MX2: variants seen among roughly 807,000 people sequenced by gnomAD.
The protein encoded by MX2 is interferon-induced GTP-binding protein Mx2.
MX2 carries 51 observed loss-of-function variants against 74.0 expected under a neutral mutation model. The observed-to-expected ratio is 0.69, with a 90% CI of 0.55 to 0.87. The LOEUF (loss-of-function observed/expected upper bound fraction) is 0.87. Among genes scored for constraint, MX2 ranks in the 40% least tolerant of loss-of-function variants. MX2 has a pLI of 0.00. For synonymous variants in MX2, 369 were observed against 339.3 expected (o/e 1.09, Z -0.96); for missense variants, 832 against 908.7 (o/e 0.92, Z 1.09).
Position 41,380,139 on chromosome 21 carries a change from G to A in MX2, c.565G>A (p.Glu189Lys). 2 of 1,613,928 alleles carry A rather than the reference G, an allele frequency of 1.2e-6. No homozygotes were observed. The highest frequency in any genetic ancestry group is 2.2e-5 in the South Asian group (2 of 91,070). The change falls in exon 4 of 14, where the codon GAG becomes AAG. Residue 189 changes from glutamate to lysine, a missense_variant. Coordinates refer to ENST00000330714, the MANE Select transcript of MX2 (RefSeq NM_002463.2). The surrounding 1 kb of genome is among the most constrained non-coding windows in gnomAD (Gnocchi z 4.3). Reference protein sequence around the residue: ...ELQDPGQVEKEIHKAQNVMAG... With the variant: ...ELQDPGQVEKKIHKAQNVMAG... ...TCAGGACCCTGGCCAGGTGGAGAAA[G>A]AGATACACAAAGGTGGGCCCACGTC...
Position 41,386,201 on chromosome 21 carries a change from CAG to C in MX2, c.732+3640_732+3641del, listed in dbSNP as rs1457083413. On this transcript the variant is annotated intron_variant, in intron 5 of 13. Transcript: ENST00000330714. ...CGCCACTGCACTACAGCCTGGGCAA[CAG>C]AGTAATACTCCATCTCAAAAAAAAA... Among the ~76,000 whole-genome samples, 3 of 83,040 alleles carry C rather than the reference CAG, an allele frequency of 3.6e-5. No homozygotes were observed. In the East Asian group the frequency reaches 1.3e-3, roughly 35 times the overall value. The allele number at this position is 83,040 out of a possible 152,430, so 54.5% of individuals were successfully genotyped here.
Position 41,397,684 on chromosome 21 carries a change from A to G in MX2, c.1142A>G (p.His381Arg). The G allele has an allele frequency of 6.2e-7, 1 of 1,614,066 alleles. No homozygotes were observed. The highest frequency in any genetic ancestry group is 8.5e-7 in the Non-Finnish European group (1 of 1,179,912). ...AERLTTELIM[H>R]IQKSLPLLEG... ...AGACTTACCACTGAACTCATCATGC[A>G]TATCCAAGTGAGCCACGTGGGTTGG... The change falls in exon 8 of 14, where the codon CAT becomes CGT. Residue 381 changes from histidine to arginine, a missense_variant. His to Arg is a conservative substitution (Grantham distance 29, BLOSUM62 0). Transcript: ENST00000330714.
At chr21:41,403,158 T>A (rs1568950185) in intron 11 of MX2, 109 bp from the exon 12 acceptor site, 1 of 840,386 alleles carries the variant, frequency 1.2e-6, no homozygotes, top group East Asian at 2.7e-5. Context: ...TCTCCTGGAA[T>A]GGGTCAGTGT....
chr21:41,395,671 A>G lies in MX2; in HGVS notation c.956A>G (p.Lys319Arg), dbSNP rs1412755493. 6.2e-7 allele frequency: 1 copy of G among 1,614,240 alleles called. No individual in the cohort carries two copies. The highest frequency in any genetic ancestry group is 1.7e-5 in the Admixed American group (1 of 60,032). The change falls in exon 7 of 14, where the codon AAG becomes AGG. Residue 319 changes from lysine to arginine, a missense_variant. Lys to Arg is a conservative substitution (Grantham distance 26). Transcript: ENST00000330714. ...NVVRNLTYPLKKGYMIVKCRG... is the reference protein window; with the variant it reads ...NVVRNLTYPLRKGYMIVKCRG... ...GTGCGGAACCTCACGTACCCCCTCA[A>G]GAAGGGCTACATGATTGTGAAGTGC...
At chr21:41,373,017 C>G (rs925769501) in intron 1 of MX2, 4 of 152,222 alleles carry the variant, frequency 2.6e-5, no homozygotes, top group African/African-American at 7.2e-5. Flanking sequence ...TCCCTGCCCC[C>G]CTGGGGCCTT....
chr21:41,393,046 G>A (rs2089681710), intron 6 of MX2, among the ~76,000 whole-genome samples: 1 of 142,116 alleles, frequency 7.0e-6, no homozygotes, highest in Non-Finnish European at 1.5e-5. Flanking sequence ...GAAGTTTGCA[G>A]TGAGCCGAGA....
chr21:41,369,357 G>T (rs577848677), intron 1 of MX2, among the ~76,000 whole-genome samples: 6 of 152,188 alleles, frequency 3.9e-5, no homozygotes, highest in Non-Finnish European at 8.8e-5. Context: ...TCTGCTGGAA[G>T]ATCCGCCCCT....
At chr21:41,403,453 C>T in intron 12 of MX2, 110 bp downstream of exon 12, 1 of 1,025,816 alleles carries the variant, frequency 9.7e-7, no homozygotes, top group East Asian at 2.5e-5. Flanking sequence ...GATGTAATGG[C>T]AGGCTGGCGA....
intron 13 of MX2, 61 bp downstream of exon 13, chr21:41,407,059 A>T: frequency 6.4e-7 from 1 of 1,555,696 alleles, no homozygotes; most frequent in Non-Finnish European, 8.7e-7. Flanking sequence ...AGTAGGGGCT[A>T]TGCTAACCTA....
intron 5 of MX2, chr21:41,389,863 G>A (rs2089632877): frequency 6.6e-6 from 1 of 152,164 alleles, no homozygotes; most frequent in Non-Finnish European, 1.5e-5. Context: ...TTGTCTGTTT[G>A]TGTTGTTGTT....
Position 41,371,656 on chromosome 21 carries a change from C to G in MX2, c.-71-5180C>G, listed in dbSNP as rs185731066. Among the ~76,000 whole-genome samples, 27 of 152,254 alleles carry G rather than the reference C, an allele frequency of 1.8e-4. No homozygotes were observed. In the East Asian group the frequency reaches 4.8e-3, roughly 27 times the overall value. Reference sequence around the variant, plus strand: ...GGTTATGATCTCATGGGGTGCTGGACTAAGTGAGCACTCAGAGACGGTCAC... The same window carrying G: ...GGTTATGATCTCATGGGGTGCTGGAGTAAGTGAGCACTCAGAGACGGTCAC... On this transcript the variant is annotated intron_variant, in intron 1 of 13. Coordinates refer to ENST00000330714, the MANE Select transcript of MX2 (RefSeq NM_002463.2).
chr21:41,390,676 G>A lies in MX2; in HGVS notation c.844G>A (p.Val282Met), dbSNP rs746588658. ...TTEALSMAHE[V>M]DPEGDRTIGI... ...GGAGGCGCTGAGCATGGCCCATGAGGTGGACCCGGAAGGGGACAGGACCAT... is the reference window on the plus strand; with the variant it reads ...GGAGGCGCTGAGCATGGCCCATGAGATGGACCCGGAAGGGGACAGGACCAT... The change falls in exon 6 of 14, where the codon GTG becomes ATG. Residue 282 changes from valine (V) to methionine (M), a missense_variant. By Grantham distance (21) the Val-to-Met change is conservative (BLOSUM62 1). Coordinates refer to ENST00000330714, the MANE Select transcript of MX2 (RefSeq NM_002463.2). The A allele has an allele frequency of 1.2e-6, 2 of 1,614,166 alleles. No homozygotes were observed. Among genetic ancestry groups the A allele is most frequent in the Non-Finnish European group, 1.7e-6 (2 of 1,180,020 alleles).
intron 2 of MX2, 74 bp from the exon 3 acceptor site, chr21:41,377,715 T>G (rs906164653): frequency 1.3e-6 from 2 of 1,482,716 alleles, no homozygotes; most frequent in African/African-American, 1.4e-5. Context: ...CCGCACAAAC[T>G]CTGCCACACA....
At chr21:41,381,672 G>A (rs4818235) in intron 4 of MX2, among the ~76,000 whole-genome samples, 44,755 of 135,824 alleles carry the variant, frequency 0.33, 11,459 homozygotes, top group African/African-American at 0.73. Context: ...GCGACAGAGC[G>A]AGACTCTGTC....
rs920569737 is a variant in MX2 at position 41,390,595 on chromosome 21, A to G, written c.763A>G (p.Arg255Gly). ...GGCTCTCATCAAGAAGTACATCCAG[A>G]GGCAGCAGACGATCAACTTGGTGGT... ...IKALIKKYIQ[R>G]QQTINLVVVP... Residue 255 changes from arginine (R) to glycine (G), a missense_variant, in exon 6 of 14, where the codon AGG (arginine) becomes GGG (glycine). Arg to Gly is a moderately radical substitution (Grantham distance 125). Coordinates refer to ENST00000330714, the MANE Select transcript of MX2 (RefSeq NM_002463.2). 6.2e-7 allele frequency: 1 copy of G among 1,614,186 alleles called. No individual in the cohort carries two copies. Among genetic ancestry groups the G allele is most frequent in the Middle Eastern group, 1.6e-4 (1 of 6,062 alleles).
intron 1 of MX2, among the ~76,000 whole-genome samples, chr21:41,371,031 G>A (rs2089318314): frequency 6.6e-6 from 1 of 152,180 alleles, no homozygotes; most frequent in African/African-American, 2.4e-5. Context: ...CTGAAGGAGG[G>A]AGGAAGAAGA....
At chr21:41,405,270 A>G (rs1285254300) in intron 12 of MX2, among the ~76,000 whole-genome samples, 1 of 152,100 alleles carries the variant, frequency 6.6e-6, no homozygotes, top group Non-Finnish European at 1.5e-5. Context: ...AAAAGAAAAA[A>G]AAAAAAGAAA....
rs466092 is a variant in MX2 at position 41,402,614 on chromosome 21, A to G, written c.1573+486A>G. On this transcript the variant is annotated intron_variant, in intron 11 of 13. Transcript: ENST00000330714. This position sits in a 1 kb window ranked among gnomAD's most constrained non-coding sequence, Gnocchi z 4.5. ...AGTGAGGGGTAAGAAGGATGGCTCC[A>G]GGATGAGTCAACTGCATTGCATTTA... 122,355 of 161,332 alleles carry G rather than the reference A, an allele frequency of 0.76. 47,111 individuals carry two copies. Among genetic ancestry groups the G allele is most frequent in the Non-Finnish European group, 0.83 (61,396 of 73,712 alleles). 10.0% of individuals were successfully genotyped at this position (161,332 alleles called of 1,614,324 possible).
At chr21:41,381,074 C>G (rs2089483937) in intron 4 of MX2, among the ~76,000 whole-genome samples, 1 of 152,236 alleles carries the variant, frequency 6.6e-6, no homozygotes, top group African/African-American at 2.4e-5. Flanking sequence ...CCCTGTCTGC[C>G]TGGATCAAAT....
Sources: gnomAD v4.1 joint callset for allele counts (sites outside exome capture counted in the v4.1 genomes callset) on GRCh38, gnomAD v4.1.1 for gene constraint, Gnocchi (gnomAD v3.1) non-coding constraint, MANE v1.5 for transcripts, NCBI Gene and HGNC (gene_info 2026-07-23, HGNC 2026-07-21) for gene names.